MYO1E: variants seen among roughly 807,000 people sequenced by gnomAD.
MYO1E encodes the protein unconventional myosin-Ie.
In MYO1E, 68 loss-of-function variants were observed where a neutral mutation model predicts 151.1. The observed-to-expected ratio is 0.45, with a 90% confidence interval of 0.37 to 0.55. The LOEUF (loss-of-function observed/expected upper bound fraction) is 0.55, where lower values mean the gene tolerates loss of function less well. Among genes scored for constraint, MYO1E ranks in the 20% least tolerant of loss-of-function variants. The probability of loss-of-function intolerance (pLI) is 0.00; values close to 1 mark genes in which losing one functional copy is unlikely to be tolerated. For missense variants in MYO1E, 1,363 were observed against 1,389.3 expected (o/e 0.98, Z 0.30); for synonymous variants, 601 against 501.7 (o/e 1.20, Z -2.64).
intron 1 of MYO1E, among the ~76,000 whole-genome samples, chr15:59,286,302 G>A (rs2080387486): frequency 6.6e-6 from 1 of 152,178 alleles, no homozygotes; most frequent in African/African-American, 2.4e-5. Flanking sequence ...GCTGACATGA[G>A]TTAACCAACT....
chr15:59,258,890 T>G (rs1192384821), intron 3 of MYO1E, among the ~76,000 whole-genome samples: 1 of 151,142 alleles, frequency 6.6e-6, no homozygotes, highest in African/African-American at 2.4e-5. Flanking sequence ...AACATTTAGA[T>G]CCAACTTAAA....
chr15:59,338,768 G>A (rs778718710), intron 1 of MYO1E, among the ~76,000 whole-genome samples: 2 of 152,192 alleles, frequency 1.3e-5, no homozygotes, highest in African/African-American at 2.4e-5. Context: ...AAAGACAGGG[G>A]TGAAACTACC....
At chr15:59,324,220 C>A (rs1407483863) in intron 1 of MYO1E, among the ~76,000 whole-genome samples, 1 of 152,170 alleles carries the variant, frequency 6.6e-6, no homozygotes, top group Admixed American at 6.5e-5. Context: ...CCAATTAATT[C>A]TATTCTGCAG....
chr15:59,225,336 C>T (rs2079983151), intron 7 of MYO1E, among the ~76,000 whole-genome samples: 1 of 152,216 alleles, frequency 6.6e-6, no homozygotes, highest in South Asian at 2.1e-4. Flanking sequence ...CTGGCGGAAC[C>T]CTTGCATGGC....
intron 1 of MYO1E, among the ~76,000 whole-genome samples, chr15:59,282,210 T>C (rs1470221038): frequency 6.6e-6 from 1 of 152,220 alleles, no homozygotes; most frequent in Non-Finnish European, 1.5e-5. Context: ...ATTTCCCTTT[T>C]AGTTTGCAGG....
At chr15:59,216,633 A>G in intron 10 of MYO1E, among the ~76,000 whole-genome samples, 1 of 27,036 alleles carries the variant, frequency 3.7e-5, no homozygotes. Flanking sequence ...TTTTGGATCG[A>G]AGGGCCCCCA....
chr15:59,327,171 C>T (rs2140420789), intron 1 of MYO1E, among the ~76,000 whole-genome samples: 1 of 152,286 alleles, frequency 6.6e-6, no homozygotes, highest in Admixed American at 6.5e-5. Flanking sequence ...AGGAGTCTCC[C>T]ATGTAATCCT....
chr15:59,335,373 A>C (rs1463005211), intron 1 of MYO1E, among the ~76,000 whole-genome samples: 1 of 152,204 alleles, frequency 6.6e-6, no homozygotes, highest in East Asian at 1.9e-4. Flanking sequence ...CTGCTACAGT[A>C]TGAGATGTAA....
intron 26 of MYO1E, among the ~76,000 whole-genome samples, chr15:59,141,647 C>A (rs761061282): frequency 3.3e-5 from 5 of 151,828 alleles, no homozygotes; most frequent in African/African-American, 9.7e-5. Flanking sequence ...AAAATACAGA[C>A]GGTAGCTGGG....
At chr15:59,242,160 T>C (rs1313896863) in intron 4 of MYO1E, among the ~76,000 whole-genome samples, 1 of 152,170 alleles carries the variant, frequency 6.6e-6, no homozygotes, top group Non-Finnish European at 1.5e-5. Flanking sequence ...AAACTTGCCT[T>C]TACCTATACA....
chr15:59,335,625 C>T (rs1397269997), intron 1 of MYO1E, among the ~76,000 whole-genome samples: 1 of 152,162 alleles, frequency 6.6e-6, no homozygotes, highest in Non-Finnish European at 1.5e-5. Flanking sequence ...TTGAAGTCCC[C>T]CACCTGTTTT....
At chr15:59,362,052 G>C (rs1247696401) in intron 1 of MYO1E, among the ~76,000 whole-genome samples, 4 of 151,910 alleles carry the variant, frequency 2.6e-5, no homozygotes, top group African/African-American at 7.3e-5. Context: ...GGCTAGGCTG[G>C]TCTCGAACTC....
intron 1 of MYO1E, among the ~76,000 whole-genome samples, chr15:59,310,680 C>G (rs1439144088): frequency 6.6e-6 from 1 of 151,972 alleles, no homozygotes; most frequent in Non-Finnish European, 1.5e-5. Flanking sequence ...TTTAAGCCAC[C>G]AGTTCATAGC....
At chr15:59,329,647 G>A (rs77958546) in intron 1 of MYO1E, among the ~76,000 whole-genome samples, 6,000 of 152,230 alleles carry the variant, frequency 0.039, 306 homozygotes, top group African/African-American at 0.12. Context: ...GGTCTCATAT[G>A]ACTCCATATG....
chr15:59,218,003 C>G lies in MYO1E; in HGVS notation c.995G>C (p.Trp332Ser). The G allele has an allele frequency of 6.2e-7, 1 of 1,614,260 alleles. No homozygotes were observed. The highest frequency in any genetic ancestry group is 8.5e-7 in the Non-Finnish European group (1 of 1,180,042). The change falls in exon 10 of 28, where the codon TGG becomes TCG. Residue 332 changes from tryptophan (W) to serine (S), a missense_variant. Trp to Ser is a radical substitution (Grantham distance 177). Coordinates refer to ENST00000288235, the MANE Select transcript of MYO1E (RefSeq NM_004998.4). Reference protein sequence around the residue: ...KLTSRQMDSKWGGKSESIHVT... With the variant: ...KLTSRQMDSKSGGKSESIHVT... ...GTGGATGGATTCGGATTTGCCTCCC[C>G]ACTTGCTATCCATCTGCCGGCTTGT...
intron 26 of MYO1E, among the ~76,000 whole-genome samples, chr15:59,143,477 A>G (rs775435797): frequency 1.3e-5 from 2 of 152,172 alleles, no homozygotes; most frequent in Non-Finnish European, 2.9e-5. Flanking sequence ...CTGGGGCGGC[A>G]TATTCCCAAA....
At chr15:59,206,809 G>A in intron 14 of MYO1E, 1 of 876,274 alleles carries the variant, frequency 1.1e-6, no homozygotes, top group Non-Finnish European at 1.7e-6. Context: ...AGCCGCAGTA[G>A]AGGGCCAGGG....
intron 15 of MYO1E, among the ~76,000 whole-genome samples, chr15:59,204,618 T>C (rs556111790): frequency 6.6e-6 from 1 of 152,292 alleles, no homozygotes; most frequent in African/African-American, 2.4e-5. Context: ...AGAGGTGGTC[T>C]TGAGAGTTCT....
chr15:59,244,098 A>G (rs2080115792), intron 4 of MYO1E, among the ~76,000 whole-genome samples: 1 of 152,264 alleles, frequency 6.6e-6, no homozygotes, highest in African/African-American at 2.4e-5. Flanking sequence ...TAAATAAGAC[A>G]AATTCATTCC....
Sources: allele counts gnomAD v4.1 joint callset (sites outside exome capture counted in the v4.1 genomes callset), GRCh38; gene constraint gnomAD v4.1.1; transcripts MANE v1.5; gene names NCBI Gene and HGNC (gene_info 2026-07-23, HGNC 2026-07-21).